Variants in CD84 observed in about 807,000 individuals in gnomAD.
The protein encoded by CD84 is CD84 molecule, also known as SLAM family member 5.
In CD84, 22 loss-of-function variants were observed where a neutral mutation model predicts 33.8. The ratio of observed to expected loss-of-function variants is 0.65; its 90% CI spans 0.46 to 0.93. CD84 has a LOEUF of 0.93. Ranked by LOEUF, CD84 falls within the 40% of genes least tolerant of loss-of-function variation. The pLI is 0.00. For synonymous variants in CD84, 154 were observed against 145.2 expected (o/e 1.06, Z -0.44); for missense variants, 400 against 397.6 (o/e 1.01, Z -0.05).
chr1:160,555,917 A>C (rs1656578725), intron 2 of CD84, among the ~76,000 whole-genome samples: 1 of 152,236 alleles, frequency 6.6e-6, no homozygotes. Context: ...AATCTTTTAG[A>C]GGGATCTATT....
chr1:160,552,149 T>A lies in CD84; in HGVS notation c.761-1114A>T, dbSNP rs115975555. On this transcript the variant is annotated intron_variant, in intron 4 of 6. Transcript: ENST00000368054. Reference sequence around the variant, plus strand: ...ATTCAGAGTTTAGTCCTATCACTTATTTGGTGAGTATGAGACAAACTGAGT... The same window carrying A: ...ATTCAGAGTTTAGTCCTATCACTTAATTGGTGAGTATGAGACAAACTGAGT... 9.2e-4 allele frequency among the ~76,000 whole-genome samples: 140 copies of A among 152,328 alleles called. 1 individual carries two copies. In the Middle Eastern group the frequency reaches 0.014, roughly 15 times the overall value.
intron 6 of CD84, 75 bp downstream of exon 6, chr1:160,549,842 G>T: frequency 9.0e-7 from 1 of 1,107,892 alleles, no homozygotes; most frequent in Non-Finnish European, 1.4e-6. Flanking sequence ...GCTAGCCCCT[G>T]GTTGGATGGA....
intron 2 of CD84, among the ~76,000 whole-genome samples, chr1:160,563,416 A>G (rs549593548): frequency 6.6e-6 from 1 of 152,362 alleles, no homozygotes; most frequent in Non-Finnish European, 1.5e-5. Flanking sequence ...CTATGCAGCC[A>G]TAAAAAGGAA....
intron 2 of CD84, among the ~76,000 whole-genome samples, chr1:160,561,115 T>C (rs1340620091): frequency 2.0e-5 from 3 of 152,162 alleles, no homozygotes; most frequent in Non-Finnish European, 2.9e-5. Flanking sequence ...TAATTTCTAC[T>C]AAAATTATTC....
chr1:160,548,120 TG>T lies in CD84; in HGVS notation c.*135del. ...AAGCTATGCCCAGCAGAAGGTTTCC[TG>T]CTTTGCTTACAGGCTGAGATGTGGC... On this transcript the variant is annotated 3_prime_UTR_variant, in exon 7 of 7. Transcript: ENST00000368054. 1.1e-6 allele frequency: 1 copy of T among 873,202 alleles called. No homozygotes were observed. The highest frequency in any genetic ancestry group is 1.7e-5 in the African/African-American group (1 of 60,166). The allele number at this position is 873,202 out of a possible 1,614,324, so 54.1% of individuals were successfully genotyped here. A position where few individuals can be genotyped will look rare whatever the true frequency, so the allele number is the denominator to read the frequency against.
intron 1 of CD84, 53 bp downstream of exon 1, chr1:160,579,339 T>C (rs773242302): frequency 6.2e-7 from 1 of 1,612,146 alleles, no homozygotes; most frequent in Non-Finnish European, 8.5e-7. Context: ...TTAAGGGCAA[T>C]TTTTAAAACT....
chr1:160,550,438 G>A (rs916664240), intron 5 of CD84, among the ~76,000 whole-genome samples: 1 of 152,066 alleles, frequency 6.6e-6, no homozygotes, highest in African/African-American at 2.4e-5. Context: ...GGGCAGGCAG[G>A]TAAAGGGCGG....
At chr1:160,550,609 A>G (rs1656144523) in intron 5 of CD84, 2 of 984,786 alleles carry the variant, frequency 2.0e-6, no homozygotes, top group South Asian at 9.4e-5. Flanking sequence ...AGCAGCCCTC[A>G]CCTCACTCCA....
intron 1 of CD84, among the ~76,000 whole-genome samples, chr1:160,572,437 T>G (rs949771569): frequency 6.6e-6 from 1 of 152,174 alleles, no homozygotes; most frequent in Non-Finnish European, 1.5e-5. Flanking sequence ...TTGAGAAAAT[T>G]ATTGAAATTC....
intron 1 of CD84, among the ~76,000 whole-genome samples, chr1:160,572,589 G>A (rs540280567): frequency 4.6e-5 from 7 of 152,132 alleles, no homozygotes; most frequent in Admixed American, 4.6e-4. Context: ...GGGGGGGAAT[G>A]TTACTATAAG....
In CD84 at chr1:160,551,391, C is replaced by T. The variant is rs147890639; in HGVS notation, c.761-356G>A. Reference sequence around the variant, plus strand: ...TGCATGGCTAGTTGACTTTCCATGTCACGGTCTTAGTTTTTTAACTTGATT... The same window carrying T: ...TGCATGGCTAGTTGACTTTCCATGTTACGGTCTTAGTTTTTTAACTTGATT... On this transcript the variant is annotated intron_variant, in intron 4 of 6. Coordinates refer to ENST00000368054, the MANE Select transcript of CD84 (RefSeq NM_003874.4). 2.6e-4 allele frequency: 66 copies of T among 249,988 alleles called. 2 individuals carry two copies. In the East Asian group the frequency reaches 5.0e-3, roughly 19 times the overall value. The allele number at this position is 249,988 out of a possible 1,614,324, so 15.5% of individuals were successfully genotyped here.
chr1:160,551,110 C>T, intron 4 of CD84, 75 bp from the exon 5 acceptor site: 1 of 1,090,496 alleles, frequency 9.2e-7, no homozygotes, highest in Non-Finnish European at 1.4e-6. Context: ...CCAATGTTCT[C>T]TTTTTAAGAT....
intron 6 of CD84, among the ~76,000 whole-genome samples, chr1:160,549,577 G>A (rs563808724): frequency 2.8e-4 from 42 of 152,300 alleles, no homozygotes; most frequent in African/African-American, 9.6e-4. Context: ...TTGCTCAGAG[G>A]GAAGCACCTG....
chr1:160,576,632 T>G (rs1171552407), intron 1 of CD84, among the ~76,000 whole-genome samples: 7 of 152,142 alleles, frequency 4.6e-5, no homozygotes, highest in African/African-American at 1.7e-4. Context: ...AGCATCAATG[T>G]GGGTGGAGGC....
chr1:160,543,915 C>T lies in CD84; in HGVS notation c.*4341G>A, dbSNP rs1263294355. The T allele has an allele frequency of 2.0e-5, 3 of 152,088 alleles. No individual in the cohort carries two copies. The highest frequency in any genetic ancestry group is 7.2e-5 in the African/African-American group (3 of 41,416). The allele number at this position is 152,088 out of a possible 1,614,324, so 9.4% of individuals were successfully genotyped here. The stretch of plus-strand genomic sequence containing the variant: ...TTTCCCGAACTTTGCCATGCACAGG[C>T]ACATTCCTGTATGAGCAACACCTCA... On this transcript the variant is annotated 3_prime_UTR_variant, in exon 7 of 7. Transcript: ENST00000368054.
chr1:160,553,771 C>T, intron 3 of CD84, 124 bp downstream of exon 3: 1 of 1,467,678 alleles, frequency 6.8e-7, no homozygotes, highest in Non-Finnish European at 9.2e-7. Flanking sequence ...AGGTGATGCC[C>T]TCAGTGACCA....
chr1:160,550,022 C>CA (rs3832278), intron 5 of CD84, 43 bp from the exon 6 acceptor site: 429,054 of 1,312,600 alleles, frequency 0.33, 73,065 homozygotes, highest in African/African-American at 0.46. Context: ...AGCCCAGGCC[C>CA]ATCTACAAGT....
intron 2 of CD84, 58 bp downstream of exon 2, chr1:160,565,345 AG>A: frequency 1.5e-6 from 2 of 1,321,596 alleles, no homozygotes; most frequent in South Asian, 2.8e-5. Flanking sequence ...GATGTGTTTC[AG>A]ATAGCAAACT....
chr1:160,578,279 C>A (rs954953251), intron 1 of CD84, among the ~76,000 whole-genome samples: 2 of 152,144 alleles, frequency 1.3e-5, no homozygotes, highest in Non-Finnish European at 2.9e-5. Flanking sequence ...TCAAATGCTA[C>A]CTTGTCTGGT....
Sources: gnomAD v4.1 joint callset for allele counts (sites outside exome capture counted in the v4.1 genomes callset) on GRCh38, gnomAD v4.1.1 for gene constraint, MANE v1.5 for transcripts, NCBI Gene and HGNC (gene_info 2026-07-23, HGNC 2026-07-21) for gene names.